The following RNF144A variants were observed in gnomAD, a reference collection of about 807,000 sequenced individuals.
RNF144A encodes ring finger protein 144A, also known as E3 ubiquitin-protein ligase RNF144A.
In RNF144A, 11 loss-of-function variants were observed where a neutral mutation model predicts 38.7. The ratio of observed to expected loss-of-function variants is 0.28; its 90% confidence interval spans 0.18 to 0.47. The LOEUF is 0.47. Ranked by LOEUF, RNF144A falls within the 20% of genes least tolerant of loss-of-function variation. The probability of loss-of-function intolerance (pLI) is 0.99; values close to 1 mark genes in which losing one functional copy is unlikely to be tolerated. For synonymous variants in RNF144A, 149 were observed against 143.9 expected, an observed-to-expected ratio of 1.04 and a Z score of -0.25; for missense variants, 316 against 377.2, an observed-to-expected ratio of 0.84 and a Z score of 1.34.
intron 2 of RNF144A, among the ~76,000 whole-genome samples, chr2:6,987,404 G>A (rs886098185): frequency 2.6e-5 from 4 of 152,108 alleles, no homozygotes; most frequent in African/African-American, 9.7e-5. Flanking sequence ...TCACAATTCT[G>A]TCCTCTCTGT....
chr2:7,058,304 G>A (rs1305507953), intron 6 of RNF144A, among the ~76,000 whole-genome samples: 18 of 149,810 alleles, frequency 1.2e-4, no homozygotes, highest in Admixed American at 1.3e-4. Flanking sequence ...TATGGCAGTC[G>A]GTTGTGAAAC....
chr2:7,061,182 A>G (rs1673938828), intron 6 of RNF144A, among the ~76,000 whole-genome samples: 2 of 152,212 alleles, frequency 1.3e-5, no homozygotes, highest in South Asian at 4.1e-4. Flanking sequence ...TCAGGTCCAA[A>G]TTAATTCCCG....
At chr2:7,076,110 GC>G in the RNF144A span, among the ~76,000 whole-genome samples, 26 of 152,316 alleles carry the variant, frequency 1.7e-4, no homozygotes, top group African/African-American at 6.0e-4. Flanking sequence ...TGCACATGGA[GC>G]AGTTTCCTGG....
chr2:7,034,624 C>A (rs1446266347), intron 8 of RNF144A, among the ~76,000 whole-genome samples: 1 of 152,214 alleles, frequency 6.6e-6, no homozygotes, highest in Non-Finnish European at 1.5e-5. Context: ...GTGCACCTGC[C>A]AGGCTGTGGG....
At chr2:6,936,240 C>T (rs934545773) in intron 1 of RNF144A, among the ~76,000 whole-genome samples, 1 of 152,178 alleles carries the variant, frequency 6.6e-6, no homozygotes, top group Admixed American at 6.5e-5. Flanking sequence ...GAAAATAGCA[C>T]GTCCTTTCTT....
intron 1 of RNF144A, among the ~76,000 whole-genome samples, chr2:6,931,934 ATTGT>A (rs1665230693): frequency 6.6e-6 from 1 of 152,100 alleles, no homozygotes; most frequent in African/African-American, 2.4e-5. Flanking sequence ...GATCGAGTTG[ATTGT>A]TAGTGCTATT....
chr2:7,030,310 T>C lies in RNF144A; in HGVS notation c.747+95T>C, dbSNP rs1000833757. The C allele has an allele frequency of 5.7e-6, 5 of 871,632 alleles. No individual in the cohort carries two copies. In the African/African-American group the frequency reaches 6.7e-5, roughly 12 times the overall value. The allele number at this position is 871,632 out of a possible 1,614,324, so 54.0% of individuals were successfully genotyped here. A position where few individuals can be genotyped will look rare whatever the true frequency, so the allele number is the denominator to read the frequency against. The stretch of plus-strand genomic sequence containing the variant: ...GTGTGTGTGTGTGTGTGTGTGTATG[T>C]ATATCTTTAGTGTTTCCAGACTTGC... On this transcript the variant is annotated intron_variant, in intron 8 of 8. Transcript: ENST00000320892.
At chr2:7,011,190 A>G (rs983673742) in intron 3 of RNF144A, among the ~76,000 whole-genome samples, 3 of 152,314 alleles carry the variant, frequency 2.0e-5, no homozygotes, top group Non-Finnish European at 2.9e-5. Context: ...GTATTATGGG[A>G]TACATATAGA....
In RNF144A at chr2:7,043,239, G is replaced by C. The variant is rs1304508360; in HGVS notation, c.*3479G>C. On this transcript the variant is annotated 3_prime_UTR_variant, in exon 9 of 9. Transcript: ENST00000320892. ...TAAAACCAGTTTAGGGCACAGGCCA[G>C]TTCCTGATTAGAACACAGGACCTGT... 4 of 985,202 alleles carry C rather than the reference G, an allele frequency of 4.1e-6. No homozygotes were observed. The highest frequency in any genetic ancestry group is 4.8e-6 in the Non-Finnish European group (4 of 829,812). The allele number at this position is 985,202 out of a possible 1,614,324, so 61.0% of individuals were successfully genotyped here.
intron 1 of RNF144A, among the ~76,000 whole-genome samples, chr2:6,922,609 C>T (rs972816394): frequency 2.0e-4 from 30 of 151,090 alleles, no homozygotes; most frequent in Admixed American, 1.6e-3. Context: ...GGGACCCGCC[C>T]GGTTTTTCTT....
chr2:7,024,300 C>G lies in RNF144A; in HGVS notation c.510-69C>G, dbSNP rs1431459960. The G allele has an allele frequency of 3.6e-6, 5 of 1,405,664 alleles. No homozygotes were observed. The African/African-American group carries it at 4.3e-5, about 12-fold the overall frequency. 87.1% of individuals were successfully genotyped at this position (1,405,664 alleles called of 1,614,324 possible). A position where few individuals can be genotyped will look rare whatever the true frequency, so the allele number is the denominator to read the frequency against. ...TGTGAAGTGGAGCCGATGCTTCCAG[C>G]ATAGCCAGTGCTCCTGGGTCTCCCG... On this transcript the variant is annotated intron_variant, in intron 6 of 8. Transcript: ENST00000320892.
intron 3 of RNF144A, among the ~76,000 whole-genome samples, chr2:7,011,556 T>C (rs1490795064): frequency 1.3e-5 from 2 of 152,224 alleles, no homozygotes; most frequent in African/African-American, 4.8e-5. Flanking sequence ...CCATATGACT[T>C]TTGTGCATGT....
At chr2:7,023,055 C>T (rs537695472) in intron 6 of RNF144A, among the ~76,000 whole-genome samples, 16 of 152,324 alleles carry the variant, frequency 1.1e-4, no homozygotes, top group Admixed American at 5.9e-4. Flanking sequence ...TCACAACCGT[C>T]TGTAGAGATC....
At chr2:6,951,617 A>C (rs1255073652) in intron 2 of RNF144A, among the ~76,000 whole-genome samples, 1 of 152,184 alleles carries the variant, frequency 6.6e-6, no homozygotes, top group East Asian at 1.9e-4. Flanking sequence ...CTATCCATGT[A>C]TTTATGTCTG....
intron 3 of RNF144A, among the ~76,000 whole-genome samples, chr2:7,013,053 T>C (rs1670916926): frequency 6.6e-6 from 1 of 152,256 alleles, no homozygotes; most frequent in South Asian, 2.1e-4. Flanking sequence ...CCTTGATTTT[T>C]GTTTTTTAAA....
rs1179247795 is a variant in RNF144A, at chr2:7,040,493, T to C, written c.*733T>C. ...CATTTCCTTGATAATATTGACGTGT[T>C]TAAAGGAACATCTCATCTCCATTAG... On this transcript the variant is annotated 3_prime_UTR_variant, in exon 9 of 9. Transcript: ENST00000320892. The C allele has an allele frequency of 1.0e-6, 1 of 985,334 alleles. No homozygotes were observed. 61.0% of individuals were successfully genotyped at this position (985,334 alleles called of 1,614,324 possible).
At chr2:7,027,570 C>T (rs1389827280) in intron 7 of RNF144A, among the ~76,000 whole-genome samples, 1 of 152,220 alleles carries the variant, frequency 6.6e-6, no homozygotes, top group African/African-American at 2.4e-5. Flanking sequence ...CAGGCTGTGT[C>T]AAGGCAGAGT....
At chr2:6,955,550 C>T (rs1347854198) in intron 2 of RNF144A, among the ~76,000 whole-genome samples, 5 of 152,196 alleles carry the variant, frequency 3.3e-5, no homozygotes, top group Non-Finnish European at 5.9e-5. Context: ...TAGAGTTGCT[C>T]CTTCAAGCAA....
Position 7,041,222 on chromosome 2 carries a change from C to T in RNF144A, c.*1462C>T. 2 of 985,406 alleles carry T rather than the reference C, an allele frequency of 2.0e-6. No homozygotes were observed. The highest frequency in any genetic ancestry group is 4.7e-5 in the South Asian group (1 of 21,284). 61.0% of individuals were successfully genotyped at this position (985,406 alleles called of 1,614,324 possible). On this transcript the variant is annotated 3_prime_UTR_variant, in exon 9 of 9. Transcript: ENST00000320892. ...AATCCTTTTATCTCAGTTATTTGCC[C>T]ATCACAAGCACATTTTTAAAATGTT...
Sources: allele counts gnomAD v4.1 joint callset (sites outside exome capture counted in the v4.1 genomes callset), GRCh38; gene constraint gnomAD v4.1.1; transcripts MANE v1.5; gene names NCBI Gene and HGNC (gene_info 2026-07-23, HGNC 2026-07-21).